FER: variants seen among roughly 807,000 people sequenced by gnomAD.
The protein encoded by FER is FER tyrosine kinase.
Under a neutral mutation model 111.0 loss-of-function variants are expected in FER, and 63 were observed. The observed-to-expected ratio is 0.57, with a 90% confidence interval of 0.46 to 0.70. The LOEUF is 0.70. FER is among the 30% of genes least tolerant of loss of function. The pLI is 0.00. For missense variants in FER, 914 were observed against 954.0 expected, an observed-to-expected ratio of 0.96 and a Z score of 0.55; for synonymous variants, 327 against 313.9, an observed-to-expected ratio of 1.04 and a Z score of -0.44.
At chr5:109,049,521 A>T (rs1336573036) in intron 16 of FER, among the ~76,000 whole-genome samples, 1 of 152,080 alleles carries the variant, frequency 6.6e-6, no homozygotes, top group Non-Finnish European at 1.5e-5. Context: ...AAGTATTTTG[A>T]ATTTTTCTAA....
chr5:108,983,626 C>A (rs1398236351), intron 13 of FER, among the ~76,000 whole-genome samples: 1 of 151,986 alleles, frequency 6.6e-6, no homozygotes, highest in Non-Finnish European at 1.5e-5. Context: ...ATATGGAATT[C>A]CTAAGTTGAG....
At chr5:108,805,157 C>T (rs1345896745) in intron 3 of FER, among the ~76,000 whole-genome samples, 1 of 151,936 alleles carries the variant, frequency 6.6e-6, no homozygotes, top group African/African-American at 2.4e-5. Context: ...GTGGGTCTTT[C>T]CTGGGCTGTT....
At chr5:108,788,522 C>T (rs150518175) in intron 2 of FER, among the ~76,000 whole-genome samples, 33 of 146,278 alleles carry the variant, frequency 2.3e-4, no homozygotes, top group African/African-American at 7.5e-4. Context: ...AATGATCCTG[C>T]GACACTAATA....
chr5:108,954,982 G>T (rs932705657), intron 12 of FER, 50 bp downstream of exon 12: 1 of 1,423,686 alleles, frequency 7.0e-7, no homozygotes, highest in Non-Finnish European at 9.6e-7. Flanking sequence ...GTTCATTGCG[G>T]TACAATTATA....
chr5:108,758,378 A>C (rs1376738429), intron 1 of FER, among the ~76,000 whole-genome samples: 1 of 152,158 alleles, frequency 6.6e-6, no homozygotes, highest in Non-Finnish European at 1.5e-5. Flanking sequence ...TAACTTTGGG[A>C]TTTTTCAAGT....
At chr5:108,995,899 C>G (rs1763920554) in intron 13 of FER, among the ~76,000 whole-genome samples, 1 of 151,472 alleles carries the variant, frequency 6.6e-6, no homozygotes, top group Admixed American at 6.6e-5. Flanking sequence ...TAAAATGTTC[C>G]TATTTTTCCA....
intron 16 of FER, among the ~76,000 whole-genome samples, chr5:109,083,234 A>G (rs183933508): frequency 7.9e-5 from 12 of 152,190 alleles, no homozygotes; most frequent in South Asian, 6.2e-4. Context: ...AATATTTTTA[A>G]TATTTCCAGG....
chr5:109,055,349 A>G (rs772801375), intron 16 of FER, among the ~76,000 whole-genome samples: 32 of 152,234 alleles, frequency 2.1e-4, no homozygotes, highest in Non-Finnish European at 4.1e-4. Flanking sequence ...TGCACAGCAA[A>G]GGAAACAATC....
intron 16 of FER, among the ~76,000 whole-genome samples, chr5:109,083,891 A>G (rs1777270946): frequency 6.6e-6 from 1 of 152,054 alleles, no homozygotes; most frequent in African/African-American, 2.4e-5. Context: ...TATGCTATGA[A>G]TAATAAAGTC....
chr5:109,146,270 ATATAT>A (rs1561954048), intron 17 of FER, among the ~76,000 whole-genome samples: 4,280 of 66,774 alleles, frequency 0.064, 461 homozygotes, highest in Middle Eastern at 0.17. Flanking sequence ...ATATATATAT[ATATAT>A]ATATATATAT....
intron 13 of FER, among the ~76,000 whole-genome samples, chr5:108,978,409 C>T (rs1761642384): frequency 6.6e-6 from 1 of 152,154 alleles, no homozygotes; most frequent in Non-Finnish European, 1.5e-5. Context: ...TTATTTCATA[C>T]CTTTCTATCT....
At chr5:108,799,733 T>C (rs1417945342) in intron 3 of FER, among the ~76,000 whole-genome samples, 1 of 152,244 alleles carries the variant, frequency 6.6e-6, no homozygotes, top group Non-Finnish European at 1.5e-5. Context: ...AAAGTATTTT[T>C]GGTATTTTAA....
In FER at chr5:108,954,653, T is replaced by C. The variant is rs1483130438; in HGVS notation, c.1330-76T>C. 3.6e-6 allele frequency: 4 copies of C among 1,110,590 alleles called. No individual in the cohort carries two copies. The East Asian group carries it at 1.1e-4, about 29-fold the overall frequency. 68.8% of individuals were successfully genotyped at this position (1,110,590 alleles called of 1,614,324 possible). ...GAGGAACATTTGTAAGAAGCCTTTA[T>C]AGTTGCTATGAATTTTATTAGAAAA... On this transcript the variant is annotated intron_variant, in intron 11 of 19. Transcript: ENST00000281092.
At chr5:109,170,644 A>G (rs577944542) in intron 17 of FER, among the ~76,000 whole-genome samples, 68 of 152,282 alleles carry the variant, frequency 4.5e-4, no homozygotes, top group African/African-American at 1.4e-3. Flanking sequence ...ATGGTTACCA[A>G]TATTCTTACA....
Position 109,079,108 on chromosome 5 carries a change from G to C in FER, c.1925-21288G>C, listed in dbSNP as rs190724324. ...AGATGAATTTGTATACATTCTCCTTGTTTATTTTTTTCTAGTGGTAATGTT... is the reference window on the plus strand; with the variant it reads ...AGATGAATTTGTATACATTCTCCTTCTTTATTTTTTTCTAGTGGTAATGTT... On this transcript the variant is annotated intron_variant, in intron 16 of 19. Coordinates refer to ENST00000281092, the MANE Select transcript of FER (RefSeq NM_005246.4). Among the ~76,000 whole-genome samples, 67 of 143,838 alleles carry C rather than the reference G, an allele frequency of 4.7e-4. 1 individual carries two copies. Among genetic ancestry groups the C allele is most frequent in the African/African-American group, 1.6e-3 (66 of 40,148 alleles). 94.4% of individuals were successfully genotyped at this position (143,838 alleles called of 152,430 possible). A position where few individuals can be genotyped will look rare whatever the true frequency, so the allele number is the denominator to read the frequency against.
At chr5:109,023,077 T>C (rs1205246539) in intron 13 of FER, among the ~76,000 whole-genome samples, 3 of 152,096 alleles carry the variant, frequency 2.0e-5, no homozygotes, top group African/African-American at 7.2e-5. Flanking sequence ...TGAAATCAGG[T>C]TAAAAGACTA....
chr5:108,834,599 G>T (rs1760412679), intron 4 of FER, among the ~76,000 whole-genome samples: 1 of 151,598 alleles, frequency 6.6e-6, no homozygotes, highest in Non-Finnish European at 1.5e-5. Context: ...TTGGGAGGCT[G>T]AGGCATGAGA....
intron 13 of FER, among the ~76,000 whole-genome samples, chr5:109,024,801 G>T (rs1768445182): frequency 6.6e-6 from 1 of 151,964 alleles, no homozygotes; most frequent in African/African-American, 2.4e-5. Flanking sequence ...TTTGTATAAG[G>T]TGTAAGGAAG....
intron 13 of FER, among the ~76,000 whole-genome samples, chr5:108,993,410 G>T (rs142045310): frequency 6.6e-6 from 1 of 152,090 alleles, no homozygotes; most frequent in Admixed American, 6.5e-5. Context: ...GTGGCCGCGC[G>T]CGCCTGCAAT....
Sources: gnomAD v4.1 joint callset for allele counts (sites outside exome capture counted in the v4.1 genomes callset) on GRCh38, gnomAD v4.1.1 for gene constraint, MANE v1.5 for transcripts, NCBI Gene and HGNC (gene_info 2026-07-23, HGNC 2026-07-21) for gene names.